Variants in LRIG2 observed in about 807,000 individuals in gnomAD.
LRIG2 encodes leucine-rich repeats and immunoglobulin-like domains protein 2.
A neutral mutation model predicts 107.8 loss-of-function variants in LRIG2; 93 were observed. The ratio of observed to expected loss-of-function variants is 0.86; its 90% CI spans 0.73 to 1.03. The LOEUF (loss-of-function observed/expected upper bound fraction) is 1.03. LRIG2 is among the 50% of genes least tolerant of loss of function. The probability of loss-of-function intolerance (pLI) is 0.00; values close to 1 mark genes in which losing one functional copy is unlikely to be tolerated. For missense variants in LRIG2, 1,226 were observed against 1,296.0 expected (o/e 0.95, Z 0.83); for synonymous variants, 471 against 470.6 (o/e 1.00, Z -0.01).
At chr1:113,104,914 G>A (rs549177453) in intron 11 of LRIG2, among the ~76,000 whole-genome samples, 50 of 152,220 alleles carry the variant, frequency 3.3e-4, no homozygotes, top group African/African-American at 1.1e-3. Context: ...TTGGGAGGCC[G>A]AGGCGGGCAG....
At chr1:113,107,309 T>C (rs1287376553) in intron 11 of LRIG2, among the ~76,000 whole-genome samples, 1 of 152,204 alleles carries the variant, frequency 6.6e-6, no homozygotes, top group Non-Finnish European at 1.5e-5. Flanking sequence ...TTTGCAGATT[T>C]TTTTTTCAAT....
intron 1 of LRIG2, among the ~76,000 whole-genome samples, chr1:113,085,831 CT>C (rs947376286): frequency 3.3e-5 from 5 of 152,204 alleles, no homozygotes; most frequent in African/African-American, 1.2e-4. Flanking sequence ...GAAGTGAGAG[CT>C]TTTAGTGTAA....
intron 17 of LRIG2, 51 bp from the exon 18 acceptor site, chr1:113,123,824 G>C (rs1655370890): frequency 6.8e-7 from 1 of 1,467,334 alleles, no homozygotes; most frequent in Non-Finnish European, 9.5e-7. Flanking sequence ...TGGCTAAAAG[G>C]ATATTAAGTT....
At chr1:113,116,023 T>C (rs908237276) in intron 15 of LRIG2, among the ~76,000 whole-genome samples, 8 of 152,196 alleles carry the variant, frequency 5.3e-5, no homozygotes, top group Admixed American at 4.6e-4. Context: ...AAAAGAAATC[T>C]AGGCAGATAG....
intron 1 of LRIG2, among the ~76,000 whole-genome samples, chr1:113,074,752 C>CA (rs1465060417): frequency 1.3e-5 from 2 of 151,370 alleles, no homozygotes; most frequent in African/African-American, 4.9e-5. Flanking sequence ...ACTAAAAATA[C>CA]AAAAAAATTA....
intron 11 of LRIG2, among the ~76,000 whole-genome samples, chr1:113,105,802 G>A (rs1199163506): frequency 6.6e-6 from 1 of 152,196 alleles, no homozygotes; most frequent in Non-Finnish European, 1.5e-5. Flanking sequence ...CCAACTGTTA[G>A]AGAAAAAATT....
chr1:113,073,679 G>GA (rs776624585), intron 1 of LRIG2, 34 bp downstream of exon 1: 13 of 1,584,084 alleles, frequency 8.2e-6, no homozygotes, highest in Non-Finnish European at 1.0e-5. Flanking sequence ...TGACCAAAAG[G>GA]AGGGGGAGCC....
intron 1 of LRIG2, among the ~76,000 whole-genome samples, chr1:113,079,883 C>T (rs1653179936): frequency 6.6e-6 from 1 of 151,088 alleles, no homozygotes; most frequent in Admixed American, 6.6e-5. Flanking sequence ...GCGCCCACCA[C>T]CATGCCTAGC....
intron 11 of LRIG2, among the ~76,000 whole-genome samples, chr1:113,106,227 CA>C (rs10581084): frequency 0.044 from 6,547 of 147,908 alleles, 291 homozygotes; most frequent in African/African-American, 0.11. Flanking sequence ...GACTCTGTCT[CA>C]AAAAAAAAAA....
intron 1 of LRIG2, among the ~76,000 whole-genome samples, chr1:113,074,680 G>A (rs1190452689): frequency 1.3e-5 from 2 of 151,938 alleles, no homozygotes; most frequent in Non-Finnish European, 2.9e-5. Context: ...AGGCCGAGGC[G>A]GGCCGATCAC....
chr1:113,109,515 A>G (rs1204346098), intron 12 of LRIG2, among the ~76,000 whole-genome samples: 2 of 152,158 alleles, frequency 1.3e-5, no homozygotes, highest in African/African-American at 4.8e-5. Context: ...GATAATGGTT[A>G]TATATATACA....
intron 1 of LRIG2, among the ~76,000 whole-genome samples, chr1:113,086,000 G>GTTTTTTTTTTTTTTTTTTTTTTTTT (rs34131524): frequency 7.7e-5 from 5 of 65,022 alleles, no homozygotes; most frequent in Non-Finnish European, 8.4e-5. Flanking sequence ...TAACCCTGAG[G>GTTTTTTTTTTTTTTTTTTTTTTTTT]TTTTTTTTTT....
chr1:113,084,714 C>T (rs1653468925), intron 1 of LRIG2, among the ~76,000 whole-genome samples: 1 of 152,170 alleles, frequency 6.6e-6, no homozygotes. Flanking sequence ...ACATTTCCTT[C>T]ATCTTAGATG....
intron 1 of LRIG2, among the ~76,000 whole-genome samples, chr1:113,075,030 C>A (rs1335059941): frequency 6.6e-6 from 1 of 151,966 alleles, no homozygotes; most frequent in Admixed American, 6.6e-5. Context: ...CCAACCTGAC[C>A]AACATGGAGA....
Position 113,116,432 on chromosome 1 carries a change from T to C in LRIG2, c.2676T>C (p.Thr892=). Residue 892 remains threonine, a synonymous_variant, in exon 16 of 18, where the codon ACT becomes ACC. Coordinates refer to ENST00000361127, the MANE Select transcript of LRIG2 (RefSeq NM_014813.3). ...CCAATGGATATATACACAAAGGCACTGACGGTAATGACTCTGTTGTTTATG... is the reference window on the plus strand; with the variant it reads ...CCAATGGATATATACACAAAGGCACCGACGGTAATGACTCTGTTGTTTATG... ...PPANGYIHKG[T]DGGTGTRVIC... The C allele has an allele frequency of 6.6e-6, 10 of 1,506,680 alleles. No individual in the cohort carries two copies. Among genetic ancestry groups the C allele is most frequent in the Non-Finnish European group, 8.9e-6 (10 of 1,123,240 alleles). 93.3% of individuals were successfully genotyped at this position (1,506,680 alleles called of 1,614,324 possible). A position where few individuals can be genotyped will look rare whatever the true frequency, so the allele number is the denominator to read the frequency against.
At position 113,114,685 on chromosome 1, in the gene LRIG2, A is replaced by G; in HGVS notation, c.2339A>G (p.Tyr780Cys). Residue 780 changes from tyrosine (Y) to cysteine (C), a missense_variant, in exon 15 of 18, where the codon TAC (tyrosine) becomes TGC (cysteine). Physicochemically the swap from Tyr to Cys is radical, Grantham distance 194 (BLOSUM62 -2). Transcript: ENST00000361127. ...NTLGTERGHI[Y>C]LNVISSPNCD... Reference sequence around the variant, plus strand: ...CTTGGGACAGAACGTGGCCACATTTACCTAAATGTCATTTCATCCCCCAAT... The same window carrying G: ...CTTGGGACAGAACGTGGCCACATTTGCCTAAATGTCATTTCATCCCCCAAT... 6.2e-7 allele frequency: 1 copy of G among 1,614,072 alleles called. No homozygotes were observed.
intron 11 of LRIG2, among the ~76,000 whole-genome samples, chr1:113,104,593 C>G (rs1447193891): frequency 6.6e-6 from 1 of 151,840 alleles, no homozygotes; most frequent in African/African-American, 2.4e-5. Flanking sequence ...TCTCAGCTCA[C>G]TGCAGCCTCT....
At chr1:113,116,166 G>A in intron 15 of LRIG2, 121 bp from the exon 16 acceptor site, 1 of 683,616 alleles carries the variant, frequency 1.5e-6, no homozygotes, top group Non-Finnish European at 2.4e-6. Flanking sequence ...AGCTGTTGCG[G>A]TCCTAGGTAC....
chr1:113,074,957 C>G (rs1412766740), intron 1 of LRIG2, among the ~76,000 whole-genome samples: 1 of 151,548 alleles, frequency 6.6e-6, no homozygotes, highest in Non-Finnish European at 1.5e-5. Flanking sequence ...GTGGCTCACG[C>G]TTGTAATCCC....
Sources: gnomAD v4.1 joint callset for allele counts (sites outside exome capture counted in the v4.1 genomes callset) on GRCh38, gnomAD v4.1.1 for gene constraint, MANE v1.5 for transcripts, NCBI Gene and HGNC (gene_info 2026-07-23, HGNC 2026-07-21) for gene names.